The following PKHD1 variants were observed in gnomAD, a reference collection of about 807,000 sequenced individuals.
The protein encoded by PKHD1 is PKHD1 ciliary IPT domain containing fibrocystin/polyductin, also known as fibrocystin.
A neutral mutation model predicts 412.0 loss-of-function variants in PKHD1; 291 were observed. That is an observed-to-expected ratio of 0.71 (90% CI 0.64 to 0.78). The LOEUF (loss-of-function observed/expected upper bound fraction) is 0.78. PKHD1 is among the 30% of genes least tolerant of loss of function. PKHD1 has a pLI of 0.00. For missense variants in PKHD1, 4,825 were observed against 4,950.7 expected, an observed-to-expected ratio of 0.97 and a Z score of 0.76; for synonymous variants, 1,777 against 1,821.5, an observed-to-expected ratio of 0.98 and a Z score of 0.62.
At chr6:51,857,270 A>T (rs1773458375) in intron 48 of PKHD1, among the ~76,000 whole-genome samples, 1 of 152,176 alleles carries the variant, frequency 6.6e-6, no homozygotes, top group South Asian at 2.1e-4. Context: ...TTTAGTTTTC[A>T]TGAGAATCTT....
intron 60 of PKHD1, among the ~76,000 whole-genome samples, chr6:51,705,078 T>C (rs1054114450): frequency 2.6e-5 from 4 of 151,864 alleles, no homozygotes; most frequent in African/African-American, 9.7e-5. Flanking sequence ...CATAGTAGAG[T>C]ATTTAATCAA....
intron 8 of PKHD1, 50 bp downstream of exon 8, chr6:52,072,065 T>C (rs1304211867): frequency 5.9e-6 from 6 of 1,021,604 alleles, no homozygotes; most frequent in African/African-American, 3.2e-5. Flanking sequence ...GTTGTATCCA[T>C]GTGGACGAAC....
chr6:51,683,893 G>A lies in PKHD1; in HGVS notation c.10157-23924C>T, dbSNP rs917547246. On this transcript the variant is annotated intron_variant, in intron 60 of 66. Coordinates refer to ENST00000371117, the MANE Select transcript of PKHD1 (RefSeq NM_138694.4). ...GCCTTCATGGAGCTTACTCAGTCAT[G>A]TTTTTAGAAACAAATTCTCCTTCTC... is the stretch of plus-strand genomic sequence containing the variant. Among the ~76,000 whole-genome samples, 6 of 152,020 alleles carry A rather than the reference G, an allele frequency of 3.9e-5. No individual in the cohort carries two copies. In the South Asian group the frequency reaches 1.0e-3, roughly 26 times the overall value.
intron 48 of PKHD1, among the ~76,000 whole-genome samples, chr6:51,867,581 G>C (rs956306562): frequency 1.3e-5 from 2 of 152,100 alleles, no homozygotes; most frequent in Admixed American, 1.3e-4. Context: ...TCTGTTGGCT[G>C]TAAGTCTTTC....
chr6:51,885,201 G>A (rs1251966079), intron 45 of PKHD1, among the ~76,000 whole-genome samples: 1 of 152,120 alleles, frequency 6.6e-6, no homozygotes, highest in East Asian at 1.9e-4. Flanking sequence ...ACATGTTGCT[G>A]TTAGCAGTGA....
intron 66 of PKHD1, among the ~76,000 whole-genome samples, chr6:51,620,051 T>C (rs1397155546): frequency 6.6e-6 from 1 of 152,186 alleles, no homozygotes; most frequent in Non-Finnish European, 1.5e-5. Context: ...TGCATAACAG[T>C]AGAAAGAGAG....
At position 52,082,388 on chromosome 6, in the gene PKHD1, A is replaced by G. The variant is rs748562658; in HGVS notation, c.281+4T>C. 1 of 1,614,096 alleles carries G rather than the reference A, an allele frequency of 6.2e-7. No individual in the cohort carries two copies. The highest frequency in any genetic ancestry group is 1.1e-5 in the South Asian group (1 of 91,080). On this transcript the variant is annotated splice_donor_region_variant and intron_variant, in intron 4 of 66. Coordinates refer to ENST00000371117, the MANE Select transcript of PKHD1 (RefSeq NM_138694.4). ...CTGGTCTTCCTATTCCCAGACAGGT[A>G]TACCTGGTCCGGCATGTCACCACAG... is the stretch of plus-strand genomic sequence containing the variant.
chr6:51,691,016 AAAG>A (rs2150627586), intron 60 of PKHD1, among the ~76,000 whole-genome samples: 1 of 152,352 alleles, frequency 6.6e-6, no homozygotes, highest in East Asian at 1.9e-4. Context: ...ACACTTTTCA[AAAG>A]AAGACATACA....
chr6:51,934,300 G>A lies in PKHD1; in HGVS notation c.5931C>T (p.Ala1977=), dbSNP rs1281159653. ...GTGCCCTGAGCTCGATGGGTCCTGGGGCCATGAAAATCAGCTTGCCCCCTA... is the reference window on the plus strand; with the variant it reads ...GTGCCCTGAGCTCGATGGGTCCTGGAGCCATGAAAATCAGCTTGCCCCCTA... ...HIKGGKLIFM[A]PGPIELRAHA... is the part of the protein sequence containing the mutation. Residue 1977 remains alanine (A), a synonymous_variant, in exon 37 of 67, where the codon GCC becomes GCT. Transcript: ENST00000371117. 1 of 1,612,352 alleles carries A rather than the reference G, an allele frequency of 6.2e-7. No homozygotes were observed. The highest frequency in any genetic ancestry group is 2.2e-5 in the East Asian group (1 of 44,892).
rs1785224711 is a variant in PKHD1, at chr6:51,746,633, T to C, written c.9998+88A>G. On this transcript the variant is annotated intron_variant, in intron 59 of 66. Transcript: ENST00000371117. ...GATTCATTTCTATTTCTTTGATGAT[T>C]TTATTCCTTTCAAAAAACATGTTTA... 3.5e-6 allele frequency: 3 copies of C among 851,022 alleles called. No homozygotes were observed. The Admixed American group carries it at 5.3e-5, about 15-fold the overall frequency. The allele number at this position is 851,022 out of a possible 1,614,324, so 52.7% of individuals were successfully genotyped here. A position where few individuals can be genotyped will look rare whatever the true frequency, so the allele number is the denominator to read the frequency against.
chr6:52,028,284 G>A lies in PKHD1; in HGVS notation c.3432C>T (p.His1144=), dbSNP rs376881116. The A allele has an allele frequency of 1.6e-5, 26 of 1,614,026 alleles. No homozygotes were observed. The highest frequency in any genetic ancestry group is 8.8e-5 in the South Asian group (8 of 91,088). ...MNYTDLDVEV[H]VQDALAPVHT... is the part of the protein sequence containing the mutation. ...GAACCGGAGCCAAGGCATCCTGGAC[G>A]TGGACTTCCACATCCAAATCCGTAT... The change falls in exon 30 of 67, where the codon CAC becomes CAT. Residue 1144 remains histidine, a synonymous_variant. Coordinates refer to ENST00000371117, the MANE Select transcript of PKHD1 (RefSeq NM_138694.4).
At position 51,847,925 on chromosome 6, in the gene PKHD1, G is replaced by A. The variant is rs556212333; in HGVS notation, c.7957C>T (p.Leu2653=). 6.1e-5 allele frequency: 98 copies of A among 1,613,814 alleles called. No individual in the cohort carries two copies. The South Asian group carries it at 1.0e-3, about 17-fold the overall frequency. The change falls in exon 50 of 67, where the codon CTG becomes TTG. Residue 2653 remains leucine, a synonymous_variant. Coordinates refer to ENST00000371117, the MANE Select transcript of PKHD1 (RefSeq NM_138694.4). ...TAAGGCGGCAAATCTGTGTGCACCA[G>A]CAGTAGGTAATTACCAGGAGCAAAG... ...DNFAPGNYLL[L]VHTDLPPYPD...
chr6:51,799,054 T>C (rs964315042), intron 52 of PKHD1, among the ~76,000 whole-genome samples: 6 of 152,130 alleles, frequency 3.9e-5, no homozygotes, highest in African/African-American at 1.4e-4. Flanking sequence ...ACAGACAGAC[T>C]ATTATAACCA....
intron 46 of PKHD1, among the ~76,000 whole-genome samples, chr6:51,881,448 G>C (rs1374801551): frequency 6.6e-6 from 1 of 152,132 alleles, no homozygotes; most frequent in Non-Finnish European, 1.5e-5. Context: ...ATTTGTTGGA[G>C]ATTTTGGGAA....
chr6:52,054,233 G>A, intron 19 of PKHD1, 68 bp from the exon 20 acceptor site: 1 of 1,507,128 alleles, frequency 6.6e-7, no homozygotes, highest in Non-Finnish European at 9.2e-7. Context: ...AATACGTAGT[G>A]AGGAGTCCAC....
chr6:51,780,090 A>G (rs192683726), intron 53 of PKHD1, among the ~76,000 whole-genome samples: 1 of 152,300 alleles, frequency 6.6e-6, no homozygotes, highest in African/African-American at 2.4e-5. Flanking sequence ...GAATACCATT[A>G]AGAAAGTAAA....
rs575165631 is a variant in PKHD1, at chr6:51,617,368, G to A, written c.*1713C>T. Reference sequence around the variant, plus strand: ...ACTAGGGAAGGCATGTTCTGCCTAAGTCATTCGAGTTTTTTTTTGTTTTTC... The same window carrying A: ...ACTAGGGAAGGCATGTTCTGCCTAAATCATTCGAGTTTTTTTTTGTTTTTC... On this transcript the variant is annotated 3_prime_UTR_variant, in exon 67 of 67. Transcript: ENST00000371117. 2.0e-5 allele frequency: 3 copies of A among 152,300 alleles called. No homozygotes were observed. Among genetic ancestry groups the A allele is most frequent in the South Asian group, 4.1e-4 (2 of 4,824 alleles). 9.4% of individuals were successfully genotyped at this position (152,300 alleles called of 1,614,324 possible). A position where few individuals can be genotyped will look rare whatever the true frequency, so the allele number is the denominator to read the frequency against.
intron 53 of PKHD1, among the ~76,000 whole-genome samples, chr6:51,781,714 T>C (rs1052809124): frequency 2.0e-5 from 3 of 152,002 alleles, no homozygotes; most frequent in African/African-American, 7.2e-5. Flanking sequence ...ATAATAGTAG[T>C]TAAAAAAACA....
At chr6:51,914,463 A>G (rs966283864) in intron 37 of PKHD1, among the ~76,000 whole-genome samples, 1 of 152,134 alleles carries the variant, frequency 6.6e-6, no homozygotes, top group Non-Finnish European at 1.5e-5. Flanking sequence ...TTCTAGCTAC[A>G]TAGTAGATAT....
Sources: allele counts gnomAD v4.1 joint callset (sites outside exome capture counted in the v4.1 genomes callset), GRCh38; gene constraint gnomAD v4.1.1; transcripts MANE v1.5; gene names NCBI Gene and HGNC (gene_info 2026-07-23, HGNC 2026-07-21).